RHOH: variants seen among roughly 807,000 people sequenced by gnomAD.
The protein encoded by RHOH is rho-related GTP-binding protein RhoH.
Under a neutral mutation model 13.8 loss-of-function variants are expected in RHOH, and 6 were observed. The ratio of observed to expected loss-of-function variants is 0.44; its 90% CI spans 0.24 to 0.86. The LOEUF (loss-of-function observed/expected upper bound fraction) is 0.86, where lower values mean the gene tolerates loss of function less well. Among genes scored for constraint, RHOH ranks in the 40% least tolerant of loss-of-function variants. The pLI is 0.24. For synonymous variants in RHOH, 117 were observed against 103.0 expected (o/e 1.14, Z -0.82); for missense variants, 147 against 244.5 (o/e 0.60, Z 2.66).
chr4:40,242,138 A>G (rs1372722755), intron 1 of RHOH, among the ~76,000 whole-genome samples: 1 of 152,234 alleles, frequency 6.6e-6, no homozygotes. Flanking sequence ...ATTGTGCCAC[A>G]GCAGACACGA....
At chr4:40,204,008 G>T (rs1724343921) in intron 1 of RHOH, among the ~76,000 whole-genome samples, 1 of 152,086 alleles carries the variant, frequency 6.6e-6, no homozygotes, top group African/African-American at 2.4e-5. Context: ...ATGAAATGTA[G>T]TATTTTATAT....
chr4:40,219,282 C>G lies in RHOH; in HGVS notation c.-331+21982C>G, dbSNP rs1323122014. 7.2e-5 allele frequency among the ~76,000 whole-genome samples: 11 copies of G among 152,038 alleles called. No individual in the cohort carries two copies. In the East Asian group the frequency reaches 2.1e-3, roughly 29 times the overall value. On this transcript the variant is annotated intron_variant, in intron 1 of 2. Coordinates refer to ENST00000381799, the MANE Select transcript of RHOH (RefSeq NM_004310.5). ...CAAAAATTAGCTGGGCATGGTGGCACATGCCTGAAGTCCCAGCTACATGGG... is the reference window on the plus strand; with the variant it reads ...CAAAAATTAGCTGGGCATGGTGGCAGATGCCTGAAGTCCCAGCTACATGGG...
rs1323876697 is a variant in RHOH, at chr4:40,245,695, A to C, written c.*1733A>C. 2 of 152,196 alleles carry C rather than the reference A, an allele frequency of 1.3e-5. No individual in the cohort carries two copies. Among genetic ancestry groups the C allele is most frequent in the East Asian group, 1.9e-4 (1 of 5,210 alleles). The allele number at this position is 152,196 out of a possible 1,614,324, so 9.4% of individuals were successfully genotyped here. A position where few individuals can be genotyped will look rare whatever the true frequency, so the allele number is the denominator to read the frequency against. ...ATGGGGTAACGTGACTATTACACAC[A>C]AAAGGTAAGGTGGCTGGCATAAATG... On this transcript the variant is annotated 3_prime_UTR_variant, in exon 3 of 3. Transcript: ENST00000381799.
intron 1 of RHOH, among the ~76,000 whole-genome samples, chr4:40,239,402 G>A (rs1728985349): frequency 6.6e-6 from 1 of 152,134 alleles, no homozygotes; most frequent in Admixed American, 6.5e-5. Flanking sequence ...CTGGGTATGA[G>A]ACACACAGAA....
rs1231088509 is a variant in RHOH at position 40,246,520 on chromosome 4, C to G, written c.*2558C>G. On this transcript the variant is annotated 3_prime_UTR_variant, in exon 3 of 3. Coordinates refer to ENST00000381799, the MANE Select transcript of RHOH (RefSeq NM_004310.5). ...GAGACCAGGAATCTATGTGTAAACCCTTTCCAGTGGCAGAATCTGGCAGAA... is the reference window on the plus strand; with the variant it reads ...GAGACCAGGAATCTATGTGTAAACCGTTTCCAGTGGCAGAATCTGGCAGAA... 1 of 152,270 alleles carries G rather than the reference C, an allele frequency of 6.6e-6. No homozygotes were observed. Among genetic ancestry groups the G allele is most frequent in the Non-Finnish European group, 1.5e-5 (1 of 68,076 alleles). 9.4% of individuals were successfully genotyped at this position (152,270 alleles called of 1,614,324 possible).
At chr4:40,193,479 C>CGAGAGAGCGA (rs1553931966), upstream of RHOH, among the ~76,000 whole-genome samples, 29 of 88,662 alleles carry the variant, frequency 3.3e-4, no homozygotes, top group African/African-American at 1.3e-3. Flanking sequence ...AGAATGAGAG[C>CGAGAGAGCGA]GAGAGAGAGA....
At chr4:40,192,535 A>C (rs149892840), upstream of RHOH, among the ~76,000 whole-genome samples, 2 of 152,250 alleles carry the variant, frequency 1.3e-5, no homozygotes, top group Non-Finnish European at 2.9e-5. Context: ...CAATGAGCAA[A>C]CATAGTACTT....
rs925178735 is a variant in RHOH, at chr4:40,244,798, G to C, written c.*836G>C. 13 of 175,042 alleles carry C rather than the reference G, an allele frequency of 7.4e-5. No homozygotes were observed. Among genetic ancestry groups the C allele is most frequent in the African/African-American group, 3.1e-4 (13 of 42,160 alleles). The allele number at this position is 175,042 out of a possible 1,614,324, so 10.8% of individuals were successfully genotyped here. ...GCAACAGAACTTGGAACAGAAGCAA[G>C]AGAGTGTCACTTTCACTTCTGGTAG... On this transcript the variant is annotated 3_prime_UTR_variant, in exon 3 of 3. Coordinates refer to ENST00000381799, the MANE Select transcript of RHOH (RefSeq NM_004310.5).
intron 1 of RHOH, among the ~76,000 whole-genome samples, chr4:40,217,882 A>G (rs1425440721): frequency 6.6e-6 from 1 of 152,194 alleles, no homozygotes; most frequent in Non-Finnish European, 1.5e-5. Context: ...AGTGGCGTCA[A>G]AGATGGATGT....
chr4:40,232,690 G>C (rs1478601916), intron 1 of RHOH, among the ~76,000 whole-genome samples: 1 of 152,056 alleles, frequency 6.6e-6, no homozygotes. Flanking sequence ...AAAATCACAG[G>C]CTCATCTCCC....
At chr4:40,229,319 T>G (rs921762655) in intron 1 of RHOH, among the ~76,000 whole-genome samples, 3 of 152,168 alleles carry the variant, frequency 2.0e-5, no homozygotes, top group African/African-American at 7.2e-5. Context: ...GCATTTTCTC[T>G]ATAACCAGAG....
intron 1 of RHOH, among the ~76,000 whole-genome samples, chr4:40,216,325 C>T (rs1229609872): frequency 3.3e-5 from 5 of 151,670 alleles, no homozygotes; most frequent in Admixed American, 6.6e-5. Flanking sequence ...AAAAACTAGC[C>T]GGGCGTGGTG....
chr4:40,213,541 T>G (rs569292301), intron 1 of RHOH, among the ~76,000 whole-genome samples: 1 of 152,218 alleles, frequency 6.6e-6, no homozygotes, highest in East Asian at 1.9e-4. Flanking sequence ...AAAAAAATCC[T>G]TGTTAGGGTC....
upstream of RHOH, among the ~76,000 whole-genome samples, chr4:40,191,926 G>C (rs1241619542): frequency 8.0e-5 from 12 of 150,816 alleles, no homozygotes. Flanking sequence ...TACCTGGTTA[G>C]GGAGGCTGGT....
At chr4:40,236,776 G>T (rs1321767226) in intron 1 of RHOH, among the ~76,000 whole-genome samples, 1 of 151,184 alleles carries the variant, frequency 6.6e-6, no homozygotes, top group Non-Finnish European at 1.5e-5. Context: ...TGGCGACAGA[G>T]TGAGACTCCA....
chr4:40,207,672 A>C (rs567853641), intron 1 of RHOH, among the ~76,000 whole-genome samples: 1 of 152,328 alleles, frequency 6.6e-6, no homozygotes, highest in Non-Finnish European at 1.5e-5. Context: ...TTTCTGTTTA[A>C]AAACTAGATG....
chr4:40,207,759 G>A (rs1321240506), intron 1 of RHOH, among the ~76,000 whole-genome samples: 1 of 152,208 alleles, frequency 6.6e-6, no homozygotes, highest in Non-Finnish European at 1.5e-5. Flanking sequence ...CTGAGGTCAG[G>A]AGTTCGAGAC....
In RHOH at chr4:40,201,181, C is replaced by T. The variant is rs141980628; in HGVS notation, c.-331+3881C>T. Reference sequence around the variant, plus strand: ...ATACATGACCTCATGGAAAAAAGCACGGTAAAATGAATGTTTGAGGGTGGG... The same window carrying T: ...ATACATGACCTCATGGAAAAAAGCATGGTAAAATGAATGTTTGAGGGTGGG... On this transcript the variant is annotated intron_variant, in intron 1 of 2. Transcript: ENST00000381799. Among the ~76,000 whole-genome samples the T allele has an allele frequency of 1.2e-3, 183 of 152,124 alleles. 2 individuals are homozygous for T. The highest frequency in any genetic ancestry group is 4.0e-3 in the African/African-American group (166 of 41,478).
intron 1 of RHOH, among the ~76,000 whole-genome samples, chr4:40,217,574 G>A (rs1272466333): frequency 6.6e-6 from 1 of 151,962 alleles, no homozygotes; most frequent in African/African-American, 2.4e-5. Context: ...GCCTTTCTTT[G>A]ATCCATATAA....
Sources: gnomAD v4.1 joint callset for allele counts (sites outside exome capture counted in the v4.1 genomes callset) on GRCh38, gnomAD v4.1.1 for gene constraint, MANE v1.5 for transcripts, NCBI Gene and HGNC (gene_info 2026-07-23, HGNC 2026-07-21) for gene names.